CRISP3: variants seen among roughly 807,000 people sequenced by gnomAD.
CRISP3 encodes cysteine rich secretory protein 3, also known as cysteine-rich secretory protein 3.
CRISP3 carries 33 observed loss-of-function variants against 36.1 expected under a neutral mutation model. The observed-to-expected ratio is 0.91, with a 90% CI of 0.69 to 1.22. The LOEUF (loss-of-function observed/expected upper bound fraction) is 1.22, where lower values mean the gene tolerates loss of function less well. Ranked by LOEUF, CRISP3 falls within the 50% of genes most tolerant of loss-of-function variation. CRISP3 has a pLI of 0.00. For synonymous variants in CRISP3, 117 were observed against 104.6 expected, an observed-to-expected ratio of 1.12 and a Z score of -0.72; for missense variants, 330 against 301.2, an observed-to-expected ratio of 1.10 and a Z score of -0.71.
chr6:49,735,857 AAGATTTTTTGT>A (rs547899589), intron 3 of CRISP3, among the ~76,000 whole-genome samples: 143 of 152,272 alleles, frequency 9.4e-4, no homozygotes, highest in African/African-American at 3.2e-3. Context: ...GAAACACCTA[AAGATTTTTTGT>A]AATGGTCCTG....
At chr6:49,734,786 GC>G (rs1769002438) in intron 4 of CRISP3, among the ~76,000 whole-genome samples, 1 of 151,866 alleles carries the variant, frequency 6.6e-6, no homozygotes, top group Non-Finnish European at 1.5e-5. Context: ...AATTTGGTTT[GC>G]CTTTACCTAT....
intron 6 of CRISP3, among the ~76,000 whole-genome samples, chr6:49,731,840 G>GA (rs2127450513): frequency 6.6e-6 from 1 of 152,196 alleles, no homozygotes; most frequent in South Asian, 2.1e-4. Context: ...AAAGGTTTGG[G>GA]AATGTCTACA....
rs766933700 is a variant in CRISP3 at position 49,733,524 on chromosome 6, A to G, written c.462+179T>C. ...TGGACAAAGATTATGCTTCCCTACCATGATCCTGCAGTCTACTGAAAAATG... is the reference window on the plus strand; with the variant it reads ...TGGACAAAGATTATGCTTCCCTACCGTGATCCTGCAGTCTACTGAAAAATG... On this transcript the variant is annotated intron_variant, in intron 5 of 7. Coordinates refer to ENST00000263045, the MANE Select transcript of CRISP3 (RefSeq NM_006061.4). Among the ~76,000 whole-genome samples the G allele has an allele frequency of 5.7e-4, 87 of 152,274 alleles. 1 individual carries two copies. The highest frequency in any genetic ancestry group is 8.5e-4 in the Admixed American group (13 of 15,292).
chr6:49,731,305 G>A, intron 6 of CRISP3, 54 bp from the exon 7 acceptor site: 1 of 1,171,726 alleles, frequency 8.5e-7, no homozygotes, highest in Non-Finnish European at 1.2e-6. Flanking sequence ...TTTCGTTTAT[G>A]TTCCAAGGTT....
intron 7 of CRISP3, among the ~76,000 whole-genome samples, chr6:49,729,154 A>T (rs1363059344): frequency 6.6e-6 from 1 of 152,172 alleles, no homozygotes; most frequent in African/African-American, 2.4e-5. Context: ...GAACTGCAAC[A>T]TCCAAAATGG....
chr6:49,735,652 C>G (rs931295269), intron 3 of CRISP3, 61 bp from the exon 4 acceptor site: 6 of 1,294,776 alleles, frequency 4.6e-6, no homozygotes, highest in Admixed American at 3.6e-5. Context: ...GGAGCATAAG[C>G]TTTATAATCA....
rs1384632255 is a variant in CRISP3, at chr6:49,733,683, T to A, written c.462+20A>T. ...TTAGGGCACTTATAAAGGAGATGGT[T>A]TTTCATTTCTTCTCCTTACCTGTGT... is the stretch of plus-strand genomic sequence containing the variant. On this transcript the variant is annotated intron_variant, in intron 5 of 7. Coordinates refer to ENST00000263045, the MANE Select transcript of CRISP3 (RefSeq NM_006061.4). 3.1e-6 allele frequency: 5 copies of A among 1,593,532 alleles called. No individual in the cohort carries two copies. Among genetic ancestry groups the A allele is most frequent in the Non-Finnish European group, 4.3e-6 (5 of 1,169,194 alleles).
intron 1 of CRISP3, among the ~76,000 whole-genome samples, chr6:49,743,386 T>C (rs1361045736): frequency 2.6e-5 from 4 of 152,192 alleles, no homozygotes; most frequent in Non-Finnish European, 5.9e-5. Flanking sequence ...TTGTCATCAA[T>C]TTAATTTCTT....
At chr6:49,742,233 G>C (rs1769223665) in intron 1 of CRISP3, among the ~76,000 whole-genome samples, 1 of 152,180 alleles carries the variant, frequency 6.6e-6, no homozygotes, top group South Asian at 2.1e-4. Flanking sequence ...GCTTTTAAAT[G>C]GTACATGTTA....
intron 7 of CRISP3, among the ~76,000 whole-genome samples, chr6:49,729,725 T>C (rs1408939596): frequency 6.6e-6 from 1 of 152,116 alleles, no homozygotes; most frequent in African/African-American, 2.4e-5. Context: ...AACCGACTGT[T>C]CTATTTTCTT....
chr6:49,734,571 A>G (rs1237300774), intron 4 of CRISP3, among the ~76,000 whole-genome samples: 2 of 152,284 alleles, frequency 1.3e-5, no homozygotes, highest in East Asian at 1.9e-4. Context: ...TAAAGAGAGT[A>G]TAAACTACCT....
chr6:49,740,862 G>A (rs1011072568), intron 1 of CRISP3, among the ~76,000 whole-genome samples: 15 of 151,980 alleles, frequency 9.9e-5, no homozygotes, highest in East Asian at 1.9e-4. Context: ...AGGACTTTGG[G>A]AGGCCGAGGT....
At chr6:49,744,131 A>G (rs923191297) in intron 1 of CRISP3, among the ~76,000 whole-genome samples, 200 bp downstream of exon 1, 1 of 152,162 alleles carries the variant, frequency 6.6e-6, no homozygotes, top group Non-Finnish European at 1.5e-5. Flanking sequence ...CTTTTGGAAT[A>G]ATAAAGCTGT....
rs1176396057 is a variant in CRISP3 at position 49,736,379 on chromosome 6, A to C, written c.228+12T>G. ...TGTTCACACCCCTCTCCTTTGCAAT[A>C]TCACCTCTTACCATCTTCAGCATGT... On this transcript the variant is annotated intron_variant, in intron 3 of 7. Transcript: ENST00000263045. 2 of 1,568,788 alleles carry C rather than the reference A, an allele frequency of 1.3e-6. No homozygotes were observed. The highest frequency in any genetic ancestry group is 1.8e-6 in the Non-Finnish European group (2 of 1,140,478).
intron 1 of CRISP3, among the ~76,000 whole-genome samples, chr6:49,741,764 A>G (rs867174926): frequency 3.4e-5 from 5 of 148,722 alleles, no homozygotes; most frequent in Non-Finnish European, 5.9e-5. Context: ...AGAATGACTA[A>G]CACTTTTATT....
chr6:49,734,556 C>A (rs1442301380), intron 4 of CRISP3, among the ~76,000 whole-genome samples: 1 of 152,116 alleles, frequency 6.6e-6, no homozygotes, highest in African/African-American at 2.4e-5. Flanking sequence ...TGTCTACATG[C>A]TACTTAAAGA....
chr6:49,738,371 C>T (rs1024714188), intron 1 of CRISP3, among the ~76,000 whole-genome samples: 1 of 152,058 alleles, frequency 6.6e-6, no homozygotes, highest in Non-Finnish European at 1.5e-5. Flanking sequence ...GACATAAAAA[C>T]CACTATACAT....
rs772472075 is a variant in CRISP3, at chr6:49,733,891, G to T, written c.317-43C>A. On this transcript the variant is annotated intron_variant, in intron 4 of 7. Transcript: ENST00000263045. Reference sequence around the variant, plus strand: ...ACTCATGAGGAAAGCAATAAAGCATGCAATGGCAAAATACACACAAACACA... The same window carrying T: ...ACTCATGAGGAAAGCAATAAAGCATTCAATGGCAAAATACACACAAACACA... 3 of 1,579,442 alleles carry T rather than the reference G, an allele frequency of 1.9e-6. No homozygotes were observed. The African/African-American group carries it at 4.1e-5, about 21-fold the overall frequency.
intron 4 of CRISP3, among the ~76,000 whole-genome samples, chr6:49,734,373 AC>A (rs1768990712): frequency 6.6e-6 from 1 of 152,202 alleles, no homozygotes; most frequent in South Asian, 2.1e-4. Context: ...AGCAAATGAC[AC>A]CATAAAAGAC....
Sources: gnomAD v4.1 joint callset for allele counts (sites outside exome capture counted in the v4.1 genomes callset) on GRCh38, gnomAD v4.1.1 for gene constraint, MANE v1.5 for transcripts, NCBI Gene and HGNC (gene_info 2026-07-23, HGNC 2026-07-21) for gene names.